PRRC2C: variants seen among roughly 807,000 people sequenced by gnomAD.
The protein encoded by PRRC2C is protein PRRC2C.
Under a neutral mutation model 317.2 loss-of-function variants are expected in PRRC2C, and 72 were observed. That is an observed-to-expected ratio of 0.23 (90% CI 0.19 to 0.28). The LOEUF (loss-of-function observed/expected upper bound fraction) is 0.28, where lower values mean the gene tolerates loss of function less well. Among genes scored for constraint, PRRC2C ranks in the 10% least tolerant of loss-of-function variants. PRRC2C has a pLI of 1.00. For synonymous variants in PRRC2C, 1,296 were observed against 1,205.9 expected, an observed-to-expected ratio of 1.07 and a Z score of -1.55; for missense variants, 3,074 against 3,459.7, an observed-to-expected ratio of 0.89 and a Z score of 2.80.
intron 4 of PRRC2C, 34 bp downstream of exon 4, chr1:171,514,679 C>T (rs941447095): frequency 2.6e-6 from 4 of 1,514,532 alleles, no homozygotes; most frequent in Non-Finnish European, 3.6e-6. Context: ...GCTGCCTAGG[C>T]TTGATAGTTA....
chr1:171,587,522 A>G (rs1650317287), intron 31 of PRRC2C, 126 bp from the exon 32 acceptor site: 1 of 671,004 alleles, frequency 1.5e-6, no homozygotes, highest in Non-Finnish European at 2.5e-6. Context: ...AAGCCTAACT[A>G]TAGGAGTTTT....
chr1:171,503,091 T>C (rs57732262), intron 1 of PRRC2C, among the ~76,000 whole-genome samples: 12,405 of 152,218 alleles, frequency 0.081, 1,669 homozygotes, highest in African/African-American at 0.28. Flanking sequence ...GTAAATACTT[T>C]ATCCCTTGGA....
intron 25 of PRRC2C, 130 bp from the exon 26 acceptor site, chr1:171,577,304 G>T: frequency 4.7e-6 from 3 of 644,296 alleles, no homozygotes; most frequent in Non-Finnish European, 7.8e-6. Flanking sequence ...ATCTACTTTT[G>T]GCCTGAAGCA....
At chr1:171,570,521 A>G (rs1255064850) in intron 23 of PRRC2C, among the ~76,000 whole-genome samples, 2 of 152,200 alleles carry the variant, frequency 1.3e-5, no homozygotes, top group Non-Finnish European at 2.9e-5. Context: ...ATAGTATCAC[A>G]AAGTGATTAT....
At position 171,591,828 on chromosome 1, in the gene PRRC2C, C is replaced by T. The variant is rs1651507431; in HGVS notation, c.8678C>T (p.Thr2893Ile). 1 of 1,596,502 alleles carries T rather than the reference C, an allele frequency of 6.3e-7. No individual in the cohort carries two copies. The highest frequency in any genetic ancestry group is 8.5e-7 in the Non-Finnish European group (1 of 1,173,246). ...TGPIKPQAIK[T>I]EETKS ...CCAATCAAACCTCAGGCGATCAAAA[C>T]CGAAGAAACAAAATCTTAAAGGCTA... Residue 2893 changes from threonine to isoleucine, a missense_variant, in exon 35 of 35, where the codon ACC becomes ATC. Coordinates refer to ENST00000647382, the MANE Select transcript of PRRC2C (RefSeq NM_001387844.1).
At chr1:171,564,544 A>T (rs1481853241) in intron 20 of PRRC2C, among the ~76,000 whole-genome samples, 1 of 152,228 alleles carries the variant, frequency 6.6e-6, no homozygotes, top group East Asian at 1.9e-4. Flanking sequence ...TCTAATGTGC[A>T]TCAGTATTTT....
In PRRC2C at chr1:171,499,099, G is replaced by A. The variant is rs559184224; in HGVS notation, c.-57-12933G>A. On this transcript the variant is annotated intron_variant, in intron 1 of 34. Transcript: ENST00000647382. ...TGCTGGGATTATAGGCTTGAGCCAT[G>A]ACACTCAGCCCTACTAAGCTTTCAG... 2.0e-5 allele frequency among the ~76,000 whole-genome samples: 3 copies of A among 152,278 alleles called. No individual in the cohort carries two copies. In the South Asian group the frequency reaches 6.2e-4, roughly 32 times the overall value.
At chr1:171,504,493 T>C (rs1400041594) in intron 1 of PRRC2C, among the ~76,000 whole-genome samples, 1 of 152,240 alleles carries the variant, frequency 6.6e-6, no homozygotes, top group Non-Finnish European at 1.5e-5. Context: ...TTTAATATTA[T>C]GTACACATAA....
intron 24 of PRRC2C, among the ~76,000 whole-genome samples, chr1:171,573,525 A>G (rs1302333210): frequency 6.6e-6 from 1 of 152,154 alleles, no homozygotes; most frequent in East Asian, 1.9e-4. Context: ...GATTTTGAGA[A>G]AAAGAAAAGA....
chr1:171,576,012 C>G (rs966905667), intron 25 of PRRC2C, among the ~76,000 whole-genome samples: 1 of 152,156 alleles, frequency 6.6e-6, no homozygotes, highest in Non-Finnish European at 1.5e-5. Context: ...TTGATATTGT[C>G]TGTAATCAGA....
chr1:171,496,492 T>A (rs923393438), intron 1 of PRRC2C, among the ~76,000 whole-genome samples: 1 of 151,902 alleles, frequency 6.6e-6, no homozygotes, highest in Non-Finnish European at 1.5e-5. Flanking sequence ...TGTGAGCCAC[T>A]GCGCCTGGCC....
In PRRC2C at chr1:171,532,800, G is replaced by C; in HGVS notation, c.1712G>C (p.Arg571Pro). 1 of 1,569,446 alleles carries C rather than the reference G, an allele frequency of 6.4e-7. No homozygotes were observed. The highest frequency in any genetic ancestry group is 8.6e-7 in the Non-Finnish European group (1 of 1,160,452). Reference sequence around the variant, plus strand: ...CAAGAAAAAGAAAAAGAACTAGAACGGCAGAAAGAAAAGGAAAAAGAACTA... The same window carrying C: ...CAAGAAAAAGAAAAAGAACTAGAACCGCAGAAAGAAAAGGAAAAAGAACTA... ...RKQEKEKELE[R>P]QKEKEKELQK... is the part of the protein sequence containing the mutation. The change falls in exon 12 of 35, where the codon CGG becomes CCG. Residue 571 changes from arginine to proline, a missense_variant. Physicochemically the swap from Arg to Pro is moderately radical, Grantham distance 103. Transcript: ENST00000647382.
chr1:171,553,289 C>T (rs1038193543), intron 18 of PRRC2C, among the ~76,000 whole-genome samples: 12 of 152,120 alleles, frequency 7.9e-5, no homozygotes, highest in African/African-American at 2.9e-4. Context: ...TTTGTATTTC[C>T]GTGGGATTGG....
intron 1 of PRRC2C, among the ~76,000 whole-genome samples, chr1:171,490,096 T>G (rs1666844262): frequency 6.6e-6 from 1 of 152,084 alleles, no homozygotes; most frequent in South Asian, 2.1e-4. Context: ...ATTTTTGTAT[T>G]TTTAGTAGAG....
intron 1 of PRRC2C, among the ~76,000 whole-genome samples, chr1:171,503,414 C>T (rs1219617656): frequency 6.6e-6 from 1 of 151,898 alleles, no homozygotes; most frequent in African/African-American, 2.4e-5. Context: ...GTCCCAGCTA[C>T]TTGGGAGGCT....
chr1:171,526,744 G>A (rs1478109203), intron 10 of PRRC2C, among the ~76,000 whole-genome samples: 1 of 148,770 alleles, frequency 6.7e-6, no homozygotes, highest in African/African-American at 2.5e-5. Context: ...TTTAAAAAGA[G>A]AGGAGAAAGA....
chr1:171,562,148 A>G (rs1481860524), intron 20 of PRRC2C, among the ~76,000 whole-genome samples: 3 of 152,226 alleles, frequency 2.0e-5, no homozygotes, highest in Admixed American at 6.5e-5. Context: ...GACTTGAAGG[A>G]TATAAGAGAG....
chr1:171,557,416 C>T lies in PRRC2C; in HGVS notation c.5304C>T (p.Thr1768=), dbSNP rs1681656900. The T allele has an allele frequency of 1.3e-6, 2 of 1,547,254 alleles. No homozygotes were observed. The highest frequency in any genetic ancestry group is 2.7e-5 in the African/African-American group (2 of 72,834). The change falls in exon 19 of 35, where the codon ACC becomes ACT. Residue 1768 remains threonine (T), a synonymous_variant. Transcript: ENST00000647382. The part of the protein sequence containing the change: ...PSTSASVPAS[T]SAPLPATLTP... ...CCTCAGCTTCAGTTCCAGCCTCAAC[C>T]TCAGCTCCACTTCCGGCAACCTTAA...
rs1361637997 is a variant in PRRC2C at position 171,579,460 on chromosome 1, C to G, written c.7266C>G (p.Leu2422=). ...LAQQQGFQPG[L]SQPTSVQQIP... ...AACAACAGGGTTTCCAACCAGGTCT[C>G]TCTCAGGTAATATCAAAGACTTCTT... The change falls in exon 27 of 35, where the codon CTC becomes CTG. Residue 2422 remains leucine, a synonymous_variant. Coordinates refer to ENST00000647382, the MANE Select transcript of PRRC2C (RefSeq NM_001387844.1). 2.5e-6 allele frequency: 4 copies of G among 1,613,322 alleles called. No individual in the cohort carries two copies. Among genetic ancestry groups the G allele is most frequent in the Admixed American group, 3.3e-5 (2 of 59,992 alleles).
Sources: allele counts gnomAD v4.1 joint callset (sites outside exome capture counted in the v4.1 genomes callset), GRCh38; gene constraint gnomAD v4.1.1; transcripts MANE v1.5; gene names NCBI Gene and HGNC (gene_info 2026-07-23, HGNC 2026-07-21).